KCNK17: variants seen among roughly 807,000 people sequenced by gnomAD.
KCNK17 encodes the protein potassium two pore domain channel subfamily K member 17.
Under a neutral mutation model 24.6 loss-of-function variants are expected in KCNK17, and 27 were observed. The ratio of observed to expected loss-of-function variants is 1.10; its 90% CI spans 0.81 to 1.51. The LOEUF (loss-of-function observed/expected upper bound fraction) is 1.51. KCNK17 is among the 40% of genes most tolerant of loss of function. KCNK17 has a pLI of 0.00. For synonymous variants in KCNK17, 181 were observed against 189.8 expected, an observed-to-expected ratio of 0.95 and a Z score of 0.38; for missense variants, 450 against 436.6, an observed-to-expected ratio of 1.03 and a Z score of -0.27.
chr6:39,303,565 G>C (rs962587832), intron 4 of KCNK17, among the ~76,000 whole-genome samples: 1 of 152,150 alleles, frequency 6.6e-6, no homozygotes, highest in Non-Finnish European at 1.5e-5. Context: ...GGAGTCTCCC[G>C]GACCCTACTG....
intron 2 of KCNK17, among the ~76,000 whole-genome samples, chr6:39,310,544 C>G (rs1284848074): frequency 1.3e-5 from 2 of 152,114 alleles, no homozygotes; most frequent in Non-Finnish European, 2.9e-5. Context: ...GTGGGCTCAG[C>G]TGAGGAGACT....
At chr6:39,304,932 T>C (rs114984109) in intron 2 of KCNK17, among the ~76,000 whole-genome samples, 1 of 152,222 alleles carries the variant, frequency 6.6e-6, no homozygotes, top group Non-Finnish European at 1.5e-5. Context: ...CTAAGCTGCA[T>C]GCATGAGCTC....
chr6:39,303,198 G>T (rs1305511099), intron 4 of KCNK17, among the ~76,000 whole-genome samples: 1 of 152,174 alleles, frequency 6.6e-6, no homozygotes. Flanking sequence ...GAAGGGCAAG[G>T]CCTCCTCCCC....
At position 39,314,379 on chromosome 6, in the gene KCNK17, A is replaced by C; in HGVS notation, c.-59T>G. On this transcript the variant is annotated 5_prime_UTR_variant, in exon 1 of 5. Transcript: ENST00000373231. ...GTGGACTAGGACCCGGTGGGAGGGA[A>C]GGGCCAGGCGTCCAGCTCGTATCTC... 8.1e-7 allele frequency: 1 copy of C among 1,227,988 alleles called. No homozygotes were observed. 76.1% of individuals were successfully genotyped at this position (1,227,988 alleles called of 1,614,324 possible).
chr6:39,306,056 T>C (rs1459546327), intron 2 of KCNK17, among the ~76,000 whole-genome samples: 1 of 151,702 alleles, frequency 6.6e-6, no homozygotes, highest in African/African-American at 2.4e-5. Context: ...TTTTTTTTTT[T>C]TTTTTGAGAC....
rs1304229765 is a variant in KCNK17, at chr6:39,310,984, G to A, written c.261C>T (p.Asn87=). Residue 87 remains asparagine (N), a synonymous_variant, in exon 2 of 5, where the codon AAC becomes AAT. Coordinates refer to ENST00000373231, the MANE Select transcript of KCNK17 (RefSeq NM_031460.4). ...LIRDVVQAYK[N]GASLLSNTTS... ...TGGTGTTGCTGAGGAGGCTGGCTCCGTTTTTGTATGCTTGGACGACATCCT... is the reference window on the plus strand; with the variant it reads ...TGGTGTTGCTGAGGAGGCTGGCTCCATTTTTGTATGCTTGGACGACATCCT... The A allele has an allele frequency of 1.7e-5, 27 of 1,604,636 alleles. No homozygotes were observed. Among genetic ancestry groups the A allele is most frequent in the East Asian group, 4.5e-5 (2 of 44,578 alleles).
intron 2 of KCNK17, among the ~76,000 whole-genome samples, chr6:39,308,729 G>A (rs780964891): frequency 1.4e-4 from 22 of 152,228 alleles, no homozygotes; most frequent in Non-Finnish European, 2.8e-4. Flanking sequence ...GGCTTGGAAA[G>A]TACTGCCCTT....
chr6:39,309,186 T>C (rs539579630), intron 2 of KCNK17, among the ~76,000 whole-genome samples: 14 of 152,330 alleles, frequency 9.2e-5, no homozygotes, highest in Non-Finnish European at 1.5e-4. Flanking sequence ...TAGCCGGGCA[T>C]GTTGGCAAGT....
chr6:39,306,709 G>A, intron 2 of KCNK17, among the ~76,000 whole-genome samples: 3 of 151,616 alleles, frequency 2.0e-5, no homozygotes, highest in South Asian at 4.2e-4. Flanking sequence ...TTGGATCCCA[G>A]CTCAGCTCCT....
chr6:39,301,186 C>T (rs544565441), intron 4 of KCNK17, among the ~76,000 whole-genome samples: 1 of 152,196 alleles, frequency 6.6e-6, no homozygotes, highest in South Asian at 2.1e-4. Context: ...TTAGATAAAT[C>T]TTGCCAAGGA....
At chr6:39,304,471 C>T (rs373432962) in intron 3 of KCNK17, 24 bp downstream of exon 3, 1 of 1,601,444 alleles carries the variant, frequency 6.2e-7, no homozygotes, top group Non-Finnish European at 8.6e-7. Context: ...GACCCATCCC[C>T]ACCCCGTCCA....
rs1371999314 is a variant in KCNK17, at chr6:39,310,945, G to A, written c.300C>T (p.Arg100=). 1 of 1,587,216 alleles carries A rather than the reference G, an allele frequency of 6.3e-7. No individual in the cohort carries two copies. Among genetic ancestry groups the A allele is most frequent in the African/African-American group, 1.4e-5 (1 of 73,850 alleles). The change falls in exon 2 of 5, where the codon CGC becomes CGT. Residue 100 remains arginine, a synonymous_variant. Coordinates refer to ENST00000373231, the MANE Select transcript of KCNK17 (RefSeq NM_031460.4). ...SLLSNTTSMG[R]WELVGSFFFS... ...AGAAGAAGGAGCCCACGAGCTCCCA[G>A]CGCCCCATGCTGGTGGTGTTGCTGA... is the stretch of plus-strand genomic sequence containing the variant.
chr6:39,304,435 C>T, intron 3 of KCNK17, 60 bp downstream of exon 3: 1 of 1,458,092 alleles, frequency 6.9e-7, no homozygotes, highest in African/African-American at 1.4e-5. Context: ...ACCCCAATTC[C>T]CACCACAGCC....
intron 2 of KCNK17, among the ~76,000 whole-genome samples, chr6:39,309,413 G>C (rs1472774167): frequency 3.3e-5 from 5 of 152,238 alleles, no homozygotes; most frequent in Non-Finnish European, 7.3e-5. Flanking sequence ...GCCCAGCACA[G>C]TGCCTAGTAC....
rs75115469 is a variant in KCNK17 at position 39,304,216 on chromosome 6, G to C, written c.514-85C>G. 2,038 of 1,330,616 alleles carry C rather than the reference G, an allele frequency of 1.5e-3. 32 individuals carry two copies. In the African/African-American group the frequency reaches 0.026, roughly 17 times the overall value. The allele number at this position is 1,330,616 out of a possible 1,614,324, so 82.4% of individuals were successfully genotyped here. ...AGGGAGCTGGAGGCAGGCCAGAGCTGTCCCCAGTAAGAAGGGGGCTCTTCA... is the reference window on the plus strand; with the variant it reads ...AGGGAGCTGGAGGCAGGCCAGAGCTCTCCCCAGTAAGAAGGGGGCTCTTCA... On this transcript the variant is annotated intron_variant, in intron 3 of 4. Coordinates refer to ENST00000373231, the MANE Select transcript of KCNK17 (RefSeq NM_031460.4).
At position 39,303,832 on chromosome 6, in the gene KCNK17, C is replaced by T. The variant is rs2395722; in HGVS notation, c.688+125G>A. 437 of 1,091,402 alleles carry T rather than the reference C, an allele frequency of 4.0e-4. 2 individuals carry two copies. The highest frequency in any genetic ancestry group is 3.8e-3 in the African/African-American group (247 of 64,258). The allele number at this position is 1,091,402 out of a possible 1,614,324, so 67.6% of individuals were successfully genotyped here. A position where few individuals can be genotyped will look rare whatever the true frequency, so the allele number is the denominator to read the frequency against. On this transcript the variant is annotated intron_variant, in intron 4 of 4. Coordinates refer to ENST00000373231, the MANE Select transcript of KCNK17 (RefSeq NM_031460.4). The stretch of plus-strand genomic sequence containing the variant: ...ACAAAAGCGGGTAGGACAGTGTCTC[C>T]GGATTTTGGGCCCAAAAGCCCCCAC...
intron 1 of KCNK17, among the ~76,000 whole-genome samples, chr6:39,313,069 G>A (rs757846906): frequency 1.3e-5 from 2 of 152,216 alleles, no homozygotes; most frequent in African/African-American, 2.4e-5. Flanking sequence ...TGCAAGACGG[G>A]GATTCTGGGC....
At position 39,304,671 on chromosome 6, in the gene KCNK17, G is replaced by A; in HGVS notation, c.353-16C>T. ...TTGCCATAGCCTGAGGTGAGAGGGG[G>A]CACTCAGGGGACATTTCCAGCCCAG... On this transcript the variant is annotated splice_polypyrimidine_tract_variant and intron_variant, in intron 2 of 4. Transcript: ENST00000373231. 1 of 1,602,728 alleles carries A rather than the reference G, an allele frequency of 6.2e-7. No individual in the cohort carries two copies. Among genetic ancestry groups the A allele is most frequent in the Non-Finnish European group, 8.5e-7 (1 of 1,170,658 alleles).
intron 3 of KCNK17, 176 bp from the exon 4 acceptor site, chr6:39,304,307 T>A: frequency 1.3e-6 from 1 of 772,114 alleles, no homozygotes; most frequent in Non-Finnish European, 2.1e-6. Context: ...GTCTGCCCAG[T>A]CCCACCCCAT....
Sources: gnomAD v4.1 joint callset for allele counts (sites outside exome capture counted in the v4.1 genomes callset) on GRCh38, gnomAD v4.1.1 for gene constraint, MANE v1.5 for transcripts, NCBI Gene and HGNC (gene_info 2026-07-23, HGNC 2026-07-21) for gene names.